The following HSF2BP variants were observed in gnomAD, a reference collection of about 807,000 sequenced individuals.
HSF2BP encodes the protein heat shock transcription factor 2 binding protein.
A neutral mutation model predicts 35.0 loss-of-function variants in HSF2BP; 35 were observed. That is an observed-to-expected ratio of 1.00 (90% confidence interval 0.76 to 1.32). The LOEUF (loss-of-function observed/expected upper bound fraction) is 1.32, where lower values mean the gene tolerates loss of function less well. HSF2BP is among the 40% of genes most tolerant of loss of function. The pLI is 0.00. For synonymous variants in HSF2BP, 114 were observed against 117.4 expected, an observed-to-expected ratio of 0.97 and a Z score of 0.18; for missense variants, 326 against 321.7, an observed-to-expected ratio of 1.01 and a Z score of -0.10.
At chr21:43,653,658 CAA>C (rs1342297853) in intron 3 of HSF2BP, among the ~76,000 whole-genome samples, 1 of 151,968 alleles carries the variant, frequency 6.6e-6, no homozygotes, top group Non-Finnish European at 1.5e-5. Flanking sequence ...ATCCTAAAAA[CAA>C]AGAGAAGCGT....
In HSF2BP at chr21:43,621,955, C is replaced by G. The variant is rs2082336039; in HGVS notation, c.575-8008G>C. Among the ~76,000 whole-genome samples the G allele has an allele frequency of 2.0e-5, 3 of 152,108 alleles. No individual in the cohort carries two copies. In the South Asian group the frequency reaches 6.2e-4, roughly 32 times the overall value. Reference sequence around the variant, plus strand: ...CTAGAAACAGAAACAATCAGAGCTACAGCGACCTATTAAAAGACAGGTAAT... The same window carrying G: ...CTAGAAACAGAAACAATCAGAGCTAGAGCGACCTATTAAAAGACAGGTAAT... On this transcript the variant is annotated intron_variant, in intron 6 of 8. Transcript: ENST00000291560.
intron 6 of HSF2BP, among the ~76,000 whole-genome samples, chr21:43,624,976 C>A (rs1486314029): frequency 6.6e-6 from 1 of 152,150 alleles, no homozygotes; most frequent in African/African-American, 2.4e-5. Flanking sequence ...TTCCACCTTA[C>A]AGATGTCCAG....
chr21:43,579,473 T>C (rs534982721), intron 8 of HSF2BP, among the ~76,000 whole-genome samples: 2 of 152,328 alleles, frequency 1.3e-5, no homozygotes, highest in South Asian at 4.1e-4. Context: ...CAAGAAAATA[T>C]GAAGAAAGCC....
chr21:43,572,921 AT>A (rs2146661326), intron 8 of HSF2BP, among the ~76,000 whole-genome samples: 1 of 152,384 alleles, frequency 6.6e-6, no homozygotes, highest in Non-Finnish European at 1.5e-5. Flanking sequence ...ATGCTAAACA[AT>A]GACAAAACAC....
chr21:43,647,608 G>A (rs763711143), intron 3 of HSF2BP, among the ~76,000 whole-genome samples: 1 of 152,108 alleles, frequency 6.6e-6, no homozygotes, highest in Non-Finnish European at 1.5e-5. Flanking sequence ...CACAGGGAGG[G>A]TACAGAAAGC....
chr21:43,645,743 T>C (rs774108399), intron 3 of HSF2BP, among the ~76,000 whole-genome samples: 6 of 152,126 alleles, frequency 3.9e-5, no homozygotes, highest in Non-Finnish European at 8.8e-5. Flanking sequence ...TCACAGACAC[T>C]TCCTCAACTA....
intron 6 of HSF2BP, among the ~76,000 whole-genome samples, chr21:43,620,743 A>G (rs1042601476): frequency 4.0e-5 from 6 of 151,844 alleles, no homozygotes; most frequent in African/African-American, 1.5e-4. Flanking sequence ...CATCATCACC[A>G]TCATCATCAC....
chr21:43,598,915 C>T (rs895680548), intron 7 of HSF2BP, among the ~76,000 whole-genome samples: 10 of 152,158 alleles, frequency 6.6e-5, no homozygotes, highest in Admixed American at 5.2e-4. Context: ...CAGGCAGTAA[C>T]AGCAGAACTG....
At chr21:43,616,949 GA>G (rs1440098368) in intron 6 of HSF2BP, among the ~76,000 whole-genome samples, 1 of 151,484 alleles carries the variant, frequency 6.6e-6, no homozygotes. Flanking sequence ...AAGAAAAAAG[GA>G]AAAAAAGGAT....
In HSF2BP at chr21:43,629,375, G is replaced by T. The variant is rs146464605; in HGVS notation, c.574+947C>A. Reference sequence around the variant, plus strand: ...GAGGTCAGGAGTTCAAGACCAGCCTGGCCAACATGGAGAAACCCCATCTCT... The same window carrying T: ...GAGGTCAGGAGTTCAAGACCAGCCTTGCCAACATGGAGAAACCCCATCTCT... On this transcript the variant is annotated intron_variant, in intron 6 of 8. Transcript: ENST00000291560. 6.6e-3 allele frequency among the ~76,000 whole-genome samples: 1,010 copies of T among 152,270 alleles called. 12 individuals are homozygous for T. Among genetic ancestry groups the T allele is most frequent in the African/African-American group, 0.023 (946 of 41,546 alleles).
intron 3 of HSF2BP, 55 bp from the exon 4 acceptor site, chr21:43,644,447 A>C: frequency 7.2e-7 from 1 of 1,390,950 alleles, no homozygotes; most frequent in Non-Finnish European, 1.0e-6. Flanking sequence ...ATCTCTCCCT[A>C]AGCATCTATT....
At chr21:43,572,799 G>A (rs991668009) in intron 8 of HSF2BP, among the ~76,000 whole-genome samples, 6 of 152,246 alleles carry the variant, frequency 3.9e-5, no homozygotes, top group Admixed American at 1.3e-4. Flanking sequence ...TGACAGTTTA[G>A]CAAAGTGAAA....
rs548963391 is a variant in HSF2BP at position 43,613,898 on chromosome 21, C to T, written c.624G>A (p.Arg208=). 42 of 1,611,656 alleles carry T rather than the reference C, an allele frequency of 2.6e-5. 1 individual carries two copies. In the East Asian group the frequency reaches 9.1e-4, roughly 35 times the overall value. ...GCTGCAATATGGTGTCCAAGAGCAC[C>T]CGGCTTGAATTAACCAAGAATTCAC... ...CGREFLVNSS[R]VLLDTILQLL... is the part of the protein sequence containing the mutation. Residue 208 remains arginine (R), a synonymous_variant, in exon 7 of 9, where the codon CGG becomes CGA. Coordinates refer to ENST00000291560, the MANE Select transcript of HSF2BP (RefSeq NM_007031.2).
At chr21:43,621,655 G>T (rs2146958252) in intron 6 of HSF2BP, among the ~76,000 whole-genome samples, 1 of 152,146 alleles carries the variant, frequency 6.6e-6, no homozygotes, top group Admixed American at 6.5e-5. Flanking sequence ...CTTCAAATAT[G>T]AAGGACTAAT....
intron 7 of HSF2BP, among the ~76,000 whole-genome samples, chr21:43,608,030 G>A (rs74379625): frequency 0.032 from 4,842 of 152,068 alleles, 77 homozygotes; most frequent in Middle Eastern, 0.12. Context: ...TCTGGATATC[G>A]GCCTAGGCAA....
chr21:43,599,463 G>T (rs138962406), intron 7 of HSF2BP, among the ~76,000 whole-genome samples: 1 of 152,146 alleles, frequency 6.6e-6, no homozygotes, highest in Non-Finnish European at 1.5e-5. Flanking sequence ...TAAAGAGACT[G>T]CCCATTCATT....
chr21:43,658,588 G>A (rs1360675910), intron 1 of HSF2BP, among the ~76,000 whole-genome samples: 1 of 152,248 alleles, frequency 6.6e-6, no homozygotes, highest in Non-Finnish European at 1.5e-5. Context: ...GCTACGTGTG[G>A]AGTGACCTAG....
intron 8 of HSF2BP, among the ~76,000 whole-genome samples, chr21:43,584,092 G>A (rs2081811500): frequency 6.9e-6 from 1 of 144,654 alleles, no homozygotes; most frequent in Non-Finnish European, 1.5e-5. Flanking sequence ...AGGGCCTGCT[G>A]AGGGAGATGA....
intron 5 of HSF2BP, among the ~76,000 whole-genome samples, chr21:43,632,447 GCACATGCTCAAACA>G (rs2082492154): frequency 8.9e-6 from 1 of 112,880 alleles, no homozygotes; most frequent in African/African-American, 3.6e-5. Flanking sequence ...ACACACACAT[GCACATGCTCAAACA>G]CACATGCTCA....
Sources: gnomAD v4.1 joint callset for allele counts (sites outside exome capture counted in the v4.1 genomes callset) on GRCh38, gnomAD v4.1.1 for gene constraint, MANE v1.5 for transcripts, NCBI Gene and HGNC (gene_info 2026-07-23, HGNC 2026-07-21) for gene names.